The following TBL1XR1 variants were observed in gnomAD, a reference collection of about 807,000 sequenced individuals.
TBL1XR1 encodes TBL1X/Y related 1, also known as F-box-like/WD repeat-containing protein TBL1XR1.
TBL1XR1 carries 5 observed loss-of-function variants against 66.9 expected under a neutral mutation model. That is an observed-to-expected ratio of 0.07 (90% CI 0.04 to 0.16). The LOEUF (loss-of-function observed/expected upper bound fraction) is 0.16. Ranked by LOEUF, TBL1XR1 falls within the 10% of genes least tolerant of loss-of-function variation. The pLI, the probability that TBL1XR1 is intolerant of heterozygous loss-of-function variation, is 1.00. For synonymous variants in TBL1XR1, 210 were observed against 206.0 expected (o/e 1.02, Z -0.17); for missense variants, 238 against 623.2 (o/e 0.38, Z 6.58).
upstream of TBL1XR1, among the ~76,000 whole-genome samples, chr3:177,197,772 GGGCTGTGC>G: frequency 6.8e-6 from 1 of 147,386 alleles, no homozygotes; most frequent in Non-Finnish European, 1.5e-5. Flanking sequence ...ACTGGGGGCT[GGGCTGTGC>G]GGCGCATTCT....
rs552458127 is a variant in TBL1XR1, at chr3:177,138,267, G to T, written c.-121-39726C>A. On this transcript the variant is annotated intron_variant, in intron 1 of 15. Transcript: ENST00000457928. ...AGATGCTGATTGGTGGCAGCTTAAA[G>T]GTAAGGATAAAGCCAGAAAAGGAAT... 9.8e-5 allele frequency among the ~76,000 whole-genome samples: 15 copies of T among 152,298 alleles called. 2 individuals carry two copies. The South Asian group carries it at 3.1e-3, about 32-fold the overall frequency.
intron 1 of TBL1XR1, among the ~76,000 whole-genome samples, chr3:177,167,762 C>G (rs1732996828): frequency 6.6e-6 from 1 of 152,152 alleles, no homozygotes; most frequent in Admixed American, 6.5e-5. Flanking sequence ...AAAACCCCAT[C>G]TCTACTAAAA....
intron 1 of TBL1XR1, among the ~76,000 whole-genome samples, chr3:177,193,311 TTTTG>T (rs559558636): frequency 5.9e-4 from 90 of 152,078 alleles, no homozygotes; most frequent in South Asian, 3.9e-3. Flanking sequence ...TACACAAATT[TTTTG>T]TTTGTTTGTT....
intron 1 of TBL1XR1, among the ~76,000 whole-genome samples, chr3:177,194,356 A>G (rs1369622845): frequency 1.3e-5 from 2 of 152,220 alleles, no homozygotes; most frequent in African/African-American, 4.8e-5. Context: ...AGTCCAATTC[A>G]CATGCACTAG....
intron 1 of TBL1XR1, among the ~76,000 whole-genome samples, chr3:177,189,437 G>A (rs567341515): frequency 6.6e-6 from 1 of 151,592 alleles, no homozygotes; most frequent in Non-Finnish European, 1.5e-5. Flanking sequence ...TGGATCACCT[G>A]AAGTCAAGAG....
At chr3:177,101,597 C>T (rs983042479) in intron 1 of TBL1XR1, among the ~76,000 whole-genome samples, 2 of 152,196 alleles carry the variant, frequency 1.3e-5, no homozygotes, top group Non-Finnish European at 2.9e-5. Flanking sequence ...GCCTTCTTGC[C>T]ATGTGATGCC....
intron 1 of TBL1XR1, among the ~76,000 whole-genome samples, chr3:177,192,586 TA>T (rs1169015042): frequency 6.6e-6 from 1 of 151,556 alleles, no homozygotes; most frequent in African/African-American, 2.4e-5. Flanking sequence ...TTTTTAAGAG[TA>T]AAAAAAACCA....
intron 3 of TBL1XR1, among the ~76,000 whole-genome samples, chr3:177,056,279 C>T (rs1047659703): frequency 1.6e-4 from 24 of 151,912 alleles, no homozygotes; most frequent in Admixed American, 1.6e-3. Context: ...AAATTTGGAC[C>T]CTATTTAATT....
chr3:177,090,664 A>G (rs1266639314), intron 2 of TBL1XR1, among the ~76,000 whole-genome samples: 1 of 152,220 alleles, frequency 6.6e-6, no homozygotes, highest in Admixed American at 6.5e-5. Context: ...TGCAAAAATT[A>G]GCTGGGCATG....
rs570196843 is a variant in TBL1XR1 at position 177,192,930 on chromosome 3, G to A, written c.-122+4191C>T. On this transcript the variant is annotated intron_variant, in intron 1 of 15. Coordinates refer to ENST00000457928, the MANE Select transcript of TBL1XR1 (RefSeq NM_024665.7). ...CCCTTTGGGAGGCCGAGGCAGGCAC[G>A]TTACCTGAGGTCAGGAGTTCGAGAC... is the stretch of plus-strand genomic sequence containing the variant. Among the ~76,000 whole-genome samples the A allele has an allele frequency of 1.8e-3, 267 of 152,052 alleles. 1 individual carries two copies. The highest frequency in any genetic ancestry group is 6.2e-3 in the African/African-American group (259 of 41,486).
chr3:177,036,972 A>T (rs976759857), intron 12 of TBL1XR1, among the ~76,000 whole-genome samples: 26 of 152,194 alleles, frequency 1.7e-4, no homozygotes, highest in African/African-American at 6.3e-4. Context: ...TTATCTCCAA[A>T]TGCTTTTTTC....
intron 2 of TBL1XR1, among the ~76,000 whole-genome samples, chr3:177,083,165 T>A (rs1721655536): frequency 6.6e-6 from 1 of 152,158 alleles, no homozygotes; most frequent in East Asian, 1.9e-4. Flanking sequence ...ATTGGTCAAT[T>A]AAGAGAGTGG....
intron 1 of TBL1XR1, among the ~76,000 whole-genome samples, chr3:177,116,002 G>A (rs981688325): frequency 6.6e-6 from 1 of 152,118 alleles, no homozygotes; most frequent in African/African-American, 2.4e-5. Context: ...TGAAAATAAA[G>A]AACAGGTGCA....
At chr3:177,070,463 G>A (rs957371947) in intron 2 of TBL1XR1, among the ~76,000 whole-genome samples, 2 of 152,138 alleles carry the variant, frequency 1.3e-5, no homozygotes, top group African/African-American at 4.8e-5. Flanking sequence ...TCATACTTCT[G>A]GTACATATTT....
chr3:177,070,062 T>C (rs1419412277), intron 2 of TBL1XR1, among the ~76,000 whole-genome samples: 3 of 152,226 alleles, frequency 2.0e-5, no homozygotes, highest in African/African-American at 7.2e-5. Flanking sequence ...TATTTGATGA[T>C]AGGGAACACT....
At chr3:177,160,497 A>T (rs1732059479) in intron 1 of TBL1XR1, among the ~76,000 whole-genome samples, 1 of 151,142 alleles carries the variant, frequency 6.6e-6, no homozygotes, top group African/African-American at 2.4e-5. Context: ...AAAGTATCCA[A>T]TTGGCAGCGA....
At chr3:177,119,425 A>G (rs1726715569) in intron 1 of TBL1XR1, among the ~76,000 whole-genome samples, 1 of 152,280 alleles carries the variant, frequency 6.6e-6, no homozygotes, top group South Asian at 2.1e-4. Context: ...CTGGATTCCT[A>G]TATAATTAGG....
At position 177,020,194 on chromosome 3, in the gene TBL1XR1, A is replaced by C. The variant is rs554581594; in HGVS notation, c.*5304T>G. On this transcript the variant is annotated 3_prime_UTR_variant, in exon 16 of 16. Transcript: ENST00000457928. ...ACCGAGAAGTTGAGCCTCCTGCCCT[A>C]ATCTTCAACACATCTACACATTGTT... is the stretch of plus-strand genomic sequence containing the variant. 2 of 151,280 alleles carry C rather than the reference A, an allele frequency of 1.3e-5. No individual in the cohort carries two copies. The highest frequency in any genetic ancestry group is 4.2e-4 in the South Asian group (2 of 4,772). 9.4% of individuals were successfully genotyped at this position (151,280 alleles called of 1,614,324 possible). A position where few individuals can be genotyped will look rare whatever the true frequency, so the allele number is the denominator to read the frequency against.
chr3:177,112,719 G>C lies in TBL1XR1; in HGVS notation c.-121-14178C>G, dbSNP rs149827348. Among the ~76,000 whole-genome samples the C allele has an allele frequency of 2.6e-3, 402 of 152,184 alleles. 8 individuals carry two copies. Among genetic ancestry groups the C allele is most frequent in the African/African-American group, 9.4e-3 (389 of 41,522 alleles). On this transcript the variant is annotated intron_variant, in intron 1 of 15. Transcript: ENST00000457928. ...ACACTTTTTTGTGAAAGCCCTCAAA[G>C]ACCTGCTGGGTGCGGTGGCTCACAC...
Sources: allele counts gnomAD v4.1 joint callset (sites outside exome capture counted in the v4.1 genomes callset), GRCh38; gene constraint gnomAD v4.1.1; transcripts MANE v1.5; gene names NCBI Gene and HGNC (gene_info 2026-07-23, HGNC 2026-07-21).